Variants in ZGRF1 observed in about 807,000 individuals in gnomAD.
ZGRF1 encodes zinc finger GRF-type containing 1, also known as 5'-3' DNA helicase ZGRF1.
ZGRF1 carries 196 observed loss-of-function variants against 203.5 expected under a neutral mutation model. The ratio of observed to expected loss-of-function variants is 0.96; its 90% CI spans 0.86 to 1.08. ZGRF1 has a LOEUF of 1.08. Among genes scored for constraint, ZGRF1 ranks in the 50% least tolerant of loss-of-function variants. The probability of loss-of-function intolerance (pLI) is 0.00; values close to 1 mark genes in which losing one functional copy is unlikely to be tolerated. For missense variants in ZGRF1, 2,326 were observed against 2,416.3 expected (o/e 0.96, Z 0.78); for synonymous variants, 809 against 841.3 (o/e 0.96, Z 0.66).
At position 112,581,683 on chromosome 4, in the gene ZGRF1, C is replaced by A; in HGVS notation, c.4418G>T (p.Arg1473Ile). The A allele has an allele frequency of 6.3e-7, 1 of 1,579,936 alleles. No homozygotes were observed. Reference protein sequence around the residue: ...KLYLKLSRKERSSAYSKNDLW... With the variant: ...KLYLKLSRKEISSAYSKNDLW... Reference sequence around the variant, plus strand: ...CTTACTTTTGCTATAAGCTGAAGATCTTTCCTTCCGACTTAGCTTAAGATA... The same window carrying A: ...CTTACTTTTGCTATAAGCTGAAGATATTTCCTTCCGACTTAGCTTAAGATA... The change falls in exon 16 of 28, where the codon AGA becomes ATA. Residue 1473 changes from arginine to isoleucine, a missense_variant. Physicochemically the swap from Arg to Ile is moderately conservative, Grantham distance 97. Transcript: ENST00000505019.
intron 10 of ZGRF1, among the ~76,000 whole-genome samples, chr4:112,590,751 C>A (rs1201941772): frequency 6.6e-6 from 1 of 151,866 alleles, no homozygotes; most frequent in Non-Finnish European, 1.5e-5. Flanking sequence ...CACAGTGAAA[C>A]CCCATCTCTA....
chr4:112,633,091 C>T lies in ZGRF1; in HGVS notation c.21+65G>A, dbSNP rs1030380571. On this transcript the variant is annotated intron_variant, in intron 2 of 27. Transcript: ENST00000505019. ...GCAACACAGCAAGATGTTTGTGAAA[C>T]GCCTTTAAAAGAAAGAGACAGAGGA... 4.7e-5 allele frequency: 66 copies of T among 1,401,926 alleles called. No individual in the cohort carries two copies. The Admixed American group carries it at 7.3e-4, about 15-fold the overall frequency. 86.8% of individuals were successfully genotyped at this position (1,401,926 alleles called of 1,614,324 possible).
chr4:112,634,856 G>A (rs909067610), intron 1 of ZGRF1, among the ~76,000 whole-genome samples: 14 of 152,076 alleles, frequency 9.2e-5, no homozygotes, highest in Admixed American at 2.0e-4. Flanking sequence ...TCCTGGCCGG[G>A]TGTGGTGACT....
At chr4:112,572,068 G>T (rs1210921754) in intron 16 of ZGRF1, among the ~76,000 whole-genome samples, 1 of 151,962 alleles carries the variant, frequency 6.6e-6, no homozygotes, top group African/African-American at 2.4e-5. Context: ...AGCAAAATTG[G>T]TAATTAAAAA....
chr4:112,540,517 C>T (rs1737357444), intron 26 of ZGRF1, among the ~76,000 whole-genome samples: 1 of 152,108 alleles, frequency 6.6e-6, no homozygotes, highest in African/African-American at 2.4e-5. Context: ...TTTTGGATAA[C>T]AGAGATTCAG....
intron 15 of ZGRF1, among the ~76,000 whole-genome samples, chr4:112,583,647 A>T (rs2149003705): frequency 6.6e-6 from 1 of 151,972 alleles, no homozygotes; most frequent in South Asian, 2.1e-4. Flanking sequence ...CTCTACAAAA[A>T]TTTCAAATTA....
chr4:112,634,870 G>A (rs925373524), intron 1 of ZGRF1, among the ~76,000 whole-genome samples: 4 of 152,058 alleles, frequency 2.6e-5, no homozygotes, highest in African/African-American at 4.8e-5. Flanking sequence ...GGTGACTCAC[G>A]CCTGTAATCC....
chr4:112,575,282 T>A lies in ZGRF1; in HGVS notation c.4438+6381A>T, dbSNP rs1744940119. Among the ~76,000 whole-genome samples the A allele has an allele frequency of 2.6e-5, 4 of 152,222 alleles. No homozygotes were observed. The South Asian group carries it at 8.3e-4, about 32-fold the overall frequency. On this transcript the variant is annotated intron_variant, in intron 16 of 27. Coordinates refer to ENST00000505019, the MANE Select transcript of ZGRF1 (RefSeq NM_018392.5). ...TTTTAATAAAGTTTTTAAAAAGGCC[T>A]AACATTTGGGGGGAAGAGCCAAGAT...
intron 15 of ZGRF1, among the ~76,000 whole-genome samples, 178 bp from the exon 16 acceptor site, chr4:112,581,980 G>A (rs1420757556): frequency 1.3e-5 from 2 of 152,112 alleles, no homozygotes; most frequent in Non-Finnish European, 2.9e-5. Flanking sequence ...TCACAGAACT[G>A]TCATCAGTTT....
chr4:112,621,890 CTAATTTT>C (rs1407010617), intron 4 of ZGRF1, among the ~76,000 whole-genome samples: 5 of 151,314 alleles, frequency 3.3e-5, no homozygotes, highest in Non-Finnish European at 7.4e-5. Context: ...CCACGTCCAG[CTAATTTT>C]TTGTATGTTT....
intron 22 of ZGRF1, among the ~76,000 whole-genome samples, chr4:112,548,890 G>A (rs1739367396): frequency 7.9e-5 from 2 of 25,388 alleles, no homozygotes; most frequent in Non-Finnish European, 1.5e-4. Context: ...CGAGGCGGGC[G>A]GATCACGAGG....
intron 1 of ZGRF1, among the ~76,000 whole-genome samples, chr4:112,633,747 T>C (rs915514461): frequency 2.0e-5 from 3 of 152,246 alleles, no homozygotes; most frequent in Non-Finnish European, 2.9e-5. Context: ...TGTTATGCTA[T>C]TGGATAAAAC....
Position 112,560,786 on chromosome 4 carries a change from A to G in ZGRF1, c.4907T>C (p.Ile1636Thr), listed in dbSNP as rs767149558. The G allele has an allele frequency of 4.4e-6, 7 of 1,604,880 alleles. No individual in the cohort carries two copies. In the Admixed American group the frequency reaches 8.3e-5, roughly 19 times the overall value. The stretch of plus-strand genomic sequence containing the variant: ...AGTTTGCAGTTCCTTCACTTCTTCA[A>G]TGCTTTCATGTGATGCCATCATTTG... ...IAQMMASHES[I>T]EEVKELQTHT... The change falls in exon 19 of 28, where the codon ATT becomes ACT. Residue 1636 changes from isoleucine (I) to threonine (T), a missense_variant. Ile to Thr is a moderately conservative substitution (Grantham distance 89). Coordinates refer to ENST00000505019, the MANE Select transcript of ZGRF1 (RefSeq NM_018392.5).
At chr4:112,569,260 G>C (rs538535904) in intron 16 of ZGRF1, among the ~76,000 whole-genome samples, 177 of 152,174 alleles carry the variant, frequency 1.2e-3, no homozygotes, top group Non-Finnish European at 2.3e-3. Flanking sequence ...CTCAAAGTAG[G>C]CTGTCCTAAA....
At chr4:112,549,763 T>C (rs759515424) in intron 22 of ZGRF1, among the ~76,000 whole-genome samples, 16 of 151,998 alleles carry the variant, frequency 1.1e-4, no homozygotes, top group African/African-American at 1.7e-4. Context: ...TATTTTAGAA[T>C]GTACTCCTAC....
Position 112,623,809 on chromosome 4 carries a change from TA to T in ZGRF1, c.162+7del. The T allele has an allele frequency of 6.7e-7, 1 of 1,483,444 alleles. No homozygotes were observed. The highest frequency in any genetic ancestry group is 9.3e-7 in the Non-Finnish European group (1 of 1,072,854). 91.9% of individuals were successfully genotyped at this position (1,483,444 alleles called of 1,614,324 possible). A position where few individuals can be genotyped will look rare whatever the true frequency, so the allele number is the denominator to read the frequency against. On this transcript the variant is annotated splice_region_variant and intron_variant, in intron 4 of 27. Transcript: ENST00000505019. ...TAACTTAAAAATAAGATAAACACAC[TA>T]AAATACCTCAAGGCATTTAAGAAAC...
At chr4:112,610,273 T>A (rs1420186201) in intron 7 of ZGRF1, among the ~76,000 whole-genome samples, 1 of 152,204 alleles carries the variant, frequency 6.6e-6, no homozygotes, top group Non-Finnish European at 1.5e-5. Context: ...AAAATTTTTA[T>A]ATTTGAAAAT....
At chr4:112,598,656 TATTA>T (rs1749439982) in intron 10 of ZGRF1, among the ~76,000 whole-genome samples, 1 of 152,026 alleles carries the variant, frequency 6.6e-6, no homozygotes, top group African/African-American at 2.4e-5. Context: ...ATAATGTTTT[TATTA>T]ATTAAAAACA....
Position 112,618,910 on chromosome 4 carries a change from A to G in ZGRF1, c.1132T>C (p.Tyr378His). The change falls in exon 6 of 28, where the codon TAT (tyrosine) becomes CAT (histidine). Residue 378 changes from tyrosine to histidine, a missense_variant. Tyr to His is a moderately conservative substitution (Grantham distance 83). Transcript: ENST00000505019. ...TTATACTTTTTCCTCTCTTCAGCAT[A>G]CGTTTCAACGAACTGTATAATTTTT... is the stretch of plus-strand genomic sequence containing the variant. ...LQKIIQFVETYAEERKKYNVD... is the reference protein window; with the variant it reads ...LQKIIQFVETHAEERKKYNVD... The G allele has an allele frequency of 1.2e-6, 2 of 1,613,912 alleles. No homozygotes were observed. Among genetic ancestry groups the G allele is most frequent in the Non-Finnish European group, 1.7e-6 (2 of 1,179,914 alleles).
Sources: allele counts gnomAD v4.1 joint callset (sites outside exome capture counted in the v4.1 genomes callset), GRCh38; gene constraint gnomAD v4.1.1; transcripts MANE v1.5; gene names NCBI Gene and HGNC (gene_info 2026-07-23, HGNC 2026-07-21).